LIN9: variants seen among roughly 807,000 people sequenced by gnomAD.
The protein encoded by LIN9 is lin-9 DREAM MuvB core complex component, also known as protein lin-9 homolog.
A neutral mutation model predicts 78.0 loss-of-function variants in LIN9; 18 were observed. The ratio of observed to expected loss-of-function variants is 0.23; its 90% confidence interval spans 0.16 to 0.34. The LOEUF is 0.34. Among genes scored for constraint, LIN9 ranks in the 10% least tolerant of loss-of-function variants. LIN9 has a pLI of 1.00. For synonymous variants in LIN9, 192 were observed against 215.2 expected (o/e 0.89, Z 0.94); for missense variants, 451 against 644.1 (o/e 0.70, Z 3.25).
At chr1:226,297,157 C>G (rs892786979) in intron 3 of LIN9, among the ~76,000 whole-genome samples, 3 of 152,144 alleles carry the variant, frequency 2.0e-5, no homozygotes, top group Non-Finnish European at 4.4e-5. Flanking sequence ...CCCTCACATT[C>G]ACTGTGGTCA....
rs1202743430 is a variant in LIN9 at position 226,238,983 on chromosome 1, C to G, written c.1233G>C (p.Gln411His). The G allele has an allele frequency of 6.2e-7, 1 of 1,613,578 alleles. No individual in the cohort carries two copies. The highest frequency in any genetic ancestry group is 8.5e-7 in the Non-Finnish European group (1 of 1,179,758). The part of the protein sequence containing the change: ...DLNKVLHKVQ[Q>H]YCYELAPDQG... ...ACATATCACTTACCTCATAGCAATA[C>G]TGTTGAACTTTATGCAAAACTTTGT... The change falls in exon 12 of 15, where the codon CAG becomes CAC. Residue 411 changes from glutamine (Q) to histidine (H), a missense_variant. By Grantham distance (24) the Gln-to-His change is conservative. Coordinates refer to ENST00000681046, the MANE Select transcript of LIN9 (RefSeq NM_001366245.2).
chr1:226,245,557 G>GAACT (rs1658422535), intron 11 of LIN9, among the ~76,000 whole-genome samples: 1 of 151,842 alleles, frequency 6.6e-6, no homozygotes, highest in Admixed American at 6.6e-5. Flanking sequence ...TGAGGAGCTG[G>GAACT]AACTATACCA....
At chr1:226,289,740 T>C (rs937081964) in intron 4 of LIN9, among the ~76,000 whole-genome samples, 6 of 149,420 alleles carry the variant, frequency 4.0e-5, no homozygotes, top group Non-Finnish European at 8.9e-5. Flanking sequence ...CAAATACTTA[T>C]ACGAATTTAG....
intron 4 of LIN9, among the ~76,000 whole-genome samples, chr1:226,293,486 G>C (rs1223367305): frequency 6.6e-6 from 1 of 152,174 alleles, no homozygotes; most frequent in Non-Finnish European, 1.5e-5. Context: ...ACTATTTCTT[G>C]TTCATTCAAC....
At chr1:226,244,630 A>G (rs941442181) in intron 11 of LIN9, among the ~76,000 whole-genome samples, 4 of 152,172 alleles carry the variant, frequency 2.6e-5, no homozygotes, top group Non-Finnish European at 4.4e-5. Context: ...TAAAAATATG[A>G]GCTTATAAGG....
At chr1:226,261,374 C>T (rs1199263748) in intron 10 of LIN9, among the ~76,000 whole-genome samples, 1 of 150,340 alleles carries the variant, frequency 6.7e-6, no homozygotes, top group African/African-American at 2.5e-5. Context: ...TGACTGTCTA[C>T]GTAGACAATC....
intron 7 of LIN9, among the ~76,000 whole-genome samples, chr1:226,275,014 T>C (rs1040181121): frequency 3.3e-5 from 5 of 152,138 alleles, no homozygotes; most frequent in Non-Finnish European, 5.9e-5. Context: ...TGGAATAGTC[T>C]TTTTTTCCCC....
chr1:226,247,717 G>A (rs1484885398), intron 11 of LIN9, among the ~76,000 whole-genome samples: 1 of 150,794 alleles, frequency 6.6e-6, no homozygotes, highest in Admixed American at 6.6e-5. Context: ...TGTTGCCCAG[G>A]CTAGAGTACA....
intron 11 of LIN9, among the ~76,000 whole-genome samples, chr1:226,246,304 G>A (rs1390075508): frequency 6.6e-6 from 1 of 152,102 alleles, no homozygotes; most frequent in Admixed American, 6.6e-5. Context: ...AATCTAGGTT[G>A]GTAGTTATTT....
rs1657383313 is a variant in LIN9 at position 226,232,214 on chromosome 1, C to T, written c.*287G>A. 2.5e-6 allele frequency: 1 copy of T among 400,420 alleles called. No individual in the cohort carries two copies. The allele number at this position is 400,420 out of a possible 1,614,324, so 24.8% of individuals were successfully genotyped here. A position where few individuals can be genotyped will look rare whatever the true frequency, so the allele number is the denominator to read the frequency against. On this transcript the variant is annotated 3_prime_UTR_variant, in exon 15 of 15. Transcript: ENST00000681046. ...AAAAAAAATGGTCAATGTATTCTTC[C>T]ACGAAATTATATTATGTTCAGATAT...
In LIN9 at chr1:226,251,063, G is replaced by GT. The variant is rs113161222; in HGVS notation, c.1039-145dup. 5.1e-3 allele frequency: 2,317 copies of GT among 453,394 alleles called. 1 individual carries two copies. The highest frequency in any genetic ancestry group is 6.7e-3 in the East Asian group (167 of 24,862). 28.1% of individuals were successfully genotyped at this position (453,394 alleles called of 1,614,324 possible). A position where few individuals can be genotyped will look rare whatever the true frequency, so the allele number is the denominator to read the frequency against. On this transcript the variant is annotated intron_variant, in intron 10 of 14. Coordinates refer to ENST00000681046, the MANE Select transcript of LIN9 (RefSeq NM_001366245.2). ...ATATATATAGCATAGCATTGTTTTG[G>GT]TTTTTTTTTCTGAGACAGAGTCTCC...
At chr1:226,244,954 A>G (rs1363344621) in intron 11 of LIN9, among the ~76,000 whole-genome samples, 1 of 152,216 alleles carries the variant, frequency 6.6e-6, no homozygotes, top group Non-Finnish European at 1.5e-5. Context: ...TGCTGCAATG[A>G]ACATGTAGTC....
intron 11 of LIN9, among the ~76,000 whole-genome samples, chr1:226,239,970 C>T (rs1232425202): frequency 6.6e-6 from 1 of 152,166 alleles, no homozygotes; most frequent in Non-Finnish European, 1.5e-5. Flanking sequence ...GAAGCAAAAT[C>T]GCTCCTTCTA....
chr1:226,238,632 AAAAT>A (rs1403613144), intron 12 of LIN9, among the ~76,000 whole-genome samples: 2 of 152,074 alleles, frequency 1.3e-5, no homozygotes, highest in Non-Finnish European at 2.9e-5. Context: ...TGTCTCAAAA[AAAAT>A]AAATAAATAA....
At chr1:226,266,622 A>G (rs975368604) in intron 8 of LIN9, among the ~76,000 whole-genome samples, 1 of 152,074 alleles carries the variant, frequency 6.6e-6, no homozygotes, top group Admixed American at 6.5e-5. Context: ...TCAGAGAATC[A>G]AAGATTAATA....
chr1:226,232,673 A>G (rs1163533285), intron 14 of LIN9, 67 bp from the exon 15 acceptor site: 1 of 915,524 alleles, frequency 1.1e-6, no homozygotes. Flanking sequence ...TTTTAAAAGA[A>G]GACCTGAATT....
intron 11 of LIN9, among the ~76,000 whole-genome samples, chr1:226,246,792 CAAAAAAAA>C (rs34407541): frequency 2.6e-5 from 2 of 77,992 alleles, no homozygotes; most frequent in South Asian, 4.5e-4. Flanking sequence ...GACTCTGTCT[CAAAAAAAA>C]AAAAAAAAAA....
At chr1:226,286,627 T>G (rs1661392939) in intron 5 of LIN9, among the ~76,000 whole-genome samples, 169 bp from the exon 6 acceptor site, 1 of 152,218 alleles carries the variant, frequency 6.6e-6, no homozygotes, top group Admixed American at 6.5e-5. Context: ...ACATCTAATG[T>G]CGTGTAAAAG....
chr1:226,262,492 A>T (rs997611163), intron 10 of LIN9, among the ~76,000 whole-genome samples: 5 of 152,208 alleles, frequency 3.3e-5, no homozygotes, highest in African/African-American at 1.2e-4. Context: ...CACCTCACCA[A>T]AGAAGATATA....
Sources: gnomAD v4.1 joint callset for allele counts (sites outside exome capture counted in the v4.1 genomes callset) on GRCh38, gnomAD v4.1.1 for gene constraint, MANE v1.5 for transcripts, NCBI Gene and HGNC (gene_info 2026-07-23, HGNC 2026-07-21) for gene names.